The following ADAMTS2 variants were observed in gnomAD, a reference collection of about 807,000 sequenced individuals.
ADAMTS2 encodes A disintegrin and metalloproteinase with thrombospondin motifs 2.
Under a neutral mutation model 123.0 loss-of-function variants are expected in ADAMTS2, and 50 were observed. That is an observed-to-expected ratio of 0.41 (90% CI 0.32 to 0.51). The LOEUF is 0.51. Among genes scored for constraint, ADAMTS2 ranks in the 20% least tolerant of loss-of-function variants. ADAMTS2 has a pLI of 0.35. For synonymous variants in ADAMTS2, 678 were observed against 695.4 expected (o/e 0.98, Z 0.39); for missense variants, 1,494 against 1,705.2 (o/e 0.88, Z 2.18).
rs928122246 is a variant in ADAMTS2 at position 179,158,631 on chromosome 5, C to T, written c.1132+92G>A. The T allele has an allele frequency of 1.0e-5, 16 of 1,578,250 alleles. No homozygotes were observed. The highest frequency in any genetic ancestry group is 1.8e-4 in the Middle Eastern group (1 of 5,564). ...GCCTTCCCTGCCCTGACACTCTTCC[C>T]TGGGCTGGGCCAAGGCTCCCGGGGC... On this transcript the variant is annotated intron_variant, in intron 6 of 21. Coordinates refer to ENST00000251582, the MANE Select transcript of ADAMTS2 (RefSeq NM_014244.5). This position sits in a 1 kb window ranked among gnomAD's most constrained non-coding sequence, Gnocchi z 5.0.
Position 179,184,383 on chromosome 5 carries a change from C to T in ADAMTS2, c.892-3228G>A, listed in dbSNP as rs1327394860. On this transcript the variant is annotated intron_variant, in intron 4 of 21. Coordinates refer to ENST00000251582, the MANE Select transcript of ADAMTS2 (RefSeq NM_014244.5). ...AAAATTAGCCAGGCATGGTGGCGAG[C>T]GCTTGTAATCCCAGCTGCTCAGGAG... is the stretch of plus-strand genomic sequence containing the variant. 5.3e-5 allele frequency among the ~76,000 whole-genome samples: 8 copies of T among 151,926 alleles called. No individual in the cohort carries two copies. In the East Asian group the frequency reaches 7.8e-4, roughly 15 times the overall value.
chr5:179,153,647 G>A lies in ADAMTS2; in HGVS notation c.1383-24C>T, dbSNP rs769862959. 24 of 1,594,502 alleles carry A rather than the reference G, an allele frequency of 1.5e-5. No individual in the cohort carries two copies. In the African/African-American group the frequency reaches 2.1e-4, roughly 14 times the overall value. On this transcript the variant is annotated intron_variant, in intron 8 of 21. Transcript: ENST00000251582. ...AGCTGTGGGGGACACACGGTGCCGC[G>A]AGCAGCCTTCAGCGCGGCTGACCAT...
chr5:179,140,721 A>G (rs973663287), intron 10 of ADAMTS2, among the ~76,000 whole-genome samples: 2 of 152,040 alleles, frequency 1.3e-5, no homozygotes, highest in South Asian at 4.2e-4. Context: ...GACAATGACC[A>G]AACAACCAAA....
intron 2 of ADAMTS2, among the ~76,000 whole-genome samples, chr5:179,276,381 A>G (rs1383469091): frequency 6.6e-6 from 1 of 152,204 alleles, no homozygotes; most frequent in East Asian, 1.9e-4. Flanking sequence ...TGCAGGAATT[A>G]ACCCTGGGGG....
At chr5:179,122,305 C>G (rs189228276) in intron 20 of ADAMTS2, among the ~76,000 whole-genome samples, 189 of 126,506 alleles carry the variant, frequency 1.5e-3, no homozygotes, top group African/African-American at 5.3e-3. Flanking sequence ...TCAAAGGTCA[C>G]AGAGCACACT....
intron 2 of ADAMTS2, among the ~76,000 whole-genome samples, chr5:179,273,743 A>T (rs1171149259): frequency 6.7e-6 from 1 of 150,342 alleles, no homozygotes; most frequent in African/African-American, 2.5e-5. Flanking sequence ...ACCAGCCCAG[A>T]CTCTACAGGC....
At chr5:179,167,717 G>A (rs1763734900) in intron 5 of ADAMTS2, among the ~76,000 whole-genome samples, 1 of 152,210 alleles carries the variant, frequency 6.6e-6, no homozygotes, top group South Asian at 2.1e-4. Context: ...AGGCCCGGCC[G>A]AAATATCTCA....
chr5:179,207,475 T>TAGCC, intron 4 of ADAMTS2, 38 bp downstream of exon 4: 1 of 588,618 alleles, frequency 1.7e-6, no homozygotes, highest in Non-Finnish European at 3.2e-6. Flanking sequence ...TGGTTGACCC[T>TAGCC]CCCCGCCCCA....
intron 20 of ADAMTS2, 107 bp from the exon 21 acceptor site, chr5:179,121,857 G>C: frequency 1.4e-6 from 1 of 704,490 alleles, no homozygotes. Flanking sequence ...CGTCATTCAA[G>C]GCCCTCGCCT....
chr5:179,212,501 A>G (rs1581194316), intron 3 of ADAMTS2, among the ~76,000 whole-genome samples: 1 of 80,440 alleles, frequency 1.2e-5, no homozygotes, highest in Non-Finnish European at 2.4e-5. Context: ...GTGGGCAGGC[A>G]CGGGCTTTGT....
chr5:179,125,411 T>C (rs913051855), intron 18 of ADAMTS2, among the ~76,000 whole-genome samples: 2 of 152,198 alleles, frequency 1.3e-5, no homozygotes, highest in African/African-American at 4.8e-5. Context: ...ATGAGTCCCA[T>C]GCATGTCACC....
In ADAMTS2 at chr5:179,117,204, AAC is replaced by A. The variant is rs1231050420; in HGVS notation, c.3179-2882_3179-2881del. ...AACCACTGAGCCCTACCCTCAGGGA[AAC>A]ACAGGGGGTTCTGGATAAGAGCTGA... On this transcript the variant is annotated intron_variant, in intron 21 of 21. Transcript: ENST00000251582. This position sits in a 1 kb window ranked among gnomAD's most constrained non-coding sequence, Gnocchi z 4.2. Among the ~76,000 whole-genome samples, 2 of 152,144 alleles carry A rather than the reference AAC, an allele frequency of 1.3e-5. No individual in the cohort carries two copies. The highest frequency in any genetic ancestry group is 2.9e-5 in the Non-Finnish European group (2 of 68,026).
chr5:179,127,540 C>G (rs1762880712), intron 17 of ADAMTS2, among the ~76,000 whole-genome samples: 1 of 152,126 alleles, frequency 6.6e-6, no homozygotes, highest in African/African-American at 2.4e-5. Flanking sequence ...TCAGCCCTGT[C>G]CCAGAAACAT....
intron 3 of ADAMTS2, among the ~76,000 whole-genome samples, chr5:179,250,214 C>T (rs951494066): frequency 3.3e-5 from 5 of 152,100 alleles, no homozygotes; most frequent in Admixed American, 2.6e-4. Flanking sequence ...AGGGTATTTA[C>T]GAAAAGCCAA....
chr5:179,330,525 C>CA (rs1302845463), intron 2 of ADAMTS2, among the ~76,000 whole-genome samples: 5 of 152,240 alleles, frequency 3.3e-5, no homozygotes, highest in African/African-American at 1.2e-4. Context: ...AGAAGCTCTG[C>CA]AAAGAGAAGA....
Position 179,112,400 on chromosome 5 carries a change from G to A in ADAMTS2, c.*1467C>T, listed in dbSNP as rs1026864929. 5 of 152,070 alleles carry A rather than the reference G, an allele frequency of 3.3e-5. No homozygotes were observed. The highest frequency in any genetic ancestry group is 1.9e-4 in the East Asian group (1 of 5,162). The allele number at this position is 152,070 out of a possible 1,614,324, so 9.4% of individuals were successfully genotyped here. A position where few individuals can be genotyped will look rare whatever the true frequency, so the allele number is the denominator to read the frequency against. ...TGTCAAGGCAGTGAGAGGTAAAAAT[G>A]AGCCACTCTTCTCCCATCCGCCCCT... On this transcript the variant is annotated 3_prime_UTR_variant, in exon 22 of 22. Transcript: ENST00000251582.
intron 3 of ADAMTS2, among the ~76,000 whole-genome samples, chr5:179,253,328 C>A (rs1422182132): frequency 6.6e-6 from 1 of 152,068 alleles, no homozygotes; most frequent in Non-Finnish European, 1.5e-5. Flanking sequence ...CCTTTTTTCT[C>A]CTTTATAATT....
At chr5:179,223,536 A>ACACACGAATG (rs1554131692) in intron 3 of ADAMTS2, among the ~76,000 whole-genome samples, 7 of 39,866 alleles carry the variant, frequency 1.8e-4, no homozygotes, top group East Asian at 7.4e-3. Flanking sequence ...ACATGCACTC[A>ACACACGAATG]CACTCACACG....
At chr5:179,329,892 C>T (rs1757434026) in intron 2 of ADAMTS2, among the ~76,000 whole-genome samples, 2 of 151,852 alleles carry the variant, frequency 1.3e-5, no homozygotes, top group East Asian at 1.9e-4. Flanking sequence ...TTTGGGAGGC[C>T]GAGGCGGGTG....
Sources: allele counts gnomAD v4.1 joint callset (sites outside exome capture counted in the v4.1 genomes callset), GRCh38; gene constraint gnomAD v4.1.1; non-coding constraint Gnocchi (gnomAD v3.1); transcripts MANE v1.5; gene names NCBI Gene and HGNC (gene_info 2026-07-23, HGNC 2026-07-21).